Variants in HMCN2 observed in about 807,000 individuals in gnomAD.
HMCN2 encodes hemicentin 2, also known as hemicentin-2.
Under a neutral mutation model 377.5 loss-of-function variants are expected in HMCN2, and 325 were observed. The observed-to-expected ratio is 0.86, with a 90% CI of 0.79 to 0.94. The LOEUF is 0.94. HMCN2 is among the 40% of genes least tolerant of loss of function. HMCN2 has a pLI of 0.00. For missense variants in HMCN2, 4,543 were observed against 4,725.3 expected (o/e 0.96, Z 1.13); for synonymous variants, 2,007 against 2,046.8 (o/e 0.98, Z 0.53).
In HMCN2 at chr9:130,395,336, A is replaced by G. The variant is rs547958989; in HGVS notation, c.10900A>G (p.Ile3634Val). The G allele has an allele frequency of 7.8e-7, 1 of 1,288,402 alleles. No homozygotes were observed. The highest frequency in any genetic ancestry group is 1.5e-5 in the African/African-American group (1 of 65,928). 79.8% of individuals were successfully genotyped at this position (1,288,402 alleles called of 1,614,324 possible). A position where few individuals can be genotyped will look rare whatever the true frequency, so the allele number is the denominator to read the frequency against. Residue 3634 changes from isoleucine to valine, a missense_variant, in exon 71 of 98, where the codon ATT becomes GTT. Transcript: ENST00000683500. ...CAAGATCACGTGGCACCGAGACGGC[A>G]TTGTGCTGCAGGTGGGCGCCAGGCA... is the stretch of plus-strand genomic sequence containing the variant. ...APKITWHRDGIVLQEDAHTQF... is the reference protein window; with the variant it reads ...APKITWHRDGVVLQEDAHTQF...
chr9:130,296,822 G>A (rs1836190838), intron 7 of HMCN2, 28 bp downstream of exon 7: 1 of 469,586 alleles, frequency 2.1e-6, no homozygotes, highest in Non-Finnish European at 4.4e-6. Context: ...TACAGACAGT[G>A]CTGAGCTGCC....
chr9:130,433,785 A>T lies in HMCN2; in HGVS notation c.*92A>T, dbSNP rs899860524. On this transcript the variant is annotated 3_prime_UTR_variant, in exon 98 of 98. Coordinates refer to ENST00000683500, the MANE Select transcript of HMCN2 (RefSeq NM_001291815.2). ...CCACGCCACCTGCTGTGGCAAGCGG[A>T]GCGTCATCGTCTCCCGCCCCGTGCG... 9.5e-7 allele frequency: 1 copy of T among 1,057,888 alleles called. No homozygotes were observed. Among genetic ancestry groups the T allele is most frequent in the Non-Finnish European group, 1.3e-6 (1 of 774,296 alleles). 65.5% of individuals were successfully genotyped at this position (1,057,888 alleles called of 1,614,324 possible).
Position 130,429,557 on chromosome 9 carries a change from A to G in HMCN2, c.14198A>G (p.Asp4733Gly). The change falls in exon 94 of 98, where the codon GAT becomes GGT. Residue 4733 changes from aspartate (D) to glycine (G), a missense_variant and splice_region_variant. Physicochemically the swap from Asp to Gly is moderately conservative, Grantham distance 94 (BLOSUM62 -1). This residue lies in a region of HMCN2 where 1,155 missense variants were observed against 1,157.7 expected (regional missense o/e 1.00). Coordinates refer to ENST00000683500, the MANE Select transcript of HMCN2 (RefSeq NM_001291815.2). ...CACCGACCATGCCCCTGCCTCCCAG[A>G]TGTGGACGAATGCCTGGAGGGGTTG... ...FRVADGAGCEDVDECLEGLDD... is the reference protein window; with the variant it reads ...FRVADGAGCEGVDECLEGLDD... 8 of 1,550,372 alleles carry G rather than the reference A, an allele frequency of 5.2e-6. No homozygotes were observed. The highest frequency in any genetic ancestry group is 7.0e-6 in the Non-Finnish European group (8 of 1,146,834).
intron 48 of HMCN2, 95 bp downstream of exon 48, chr9:130,373,219 C>A: frequency 3.7e-6 from 1 of 269,714 alleles, no homozygotes; most frequent in Non-Finnish European, 5.7e-6. Context: ...CTGCCCCAGC[C>A]CCACTCCTCC....
chr9:130,397,762 A>G, intron 74 of HMCN2, 107 bp downstream of exon 74: 1 of 1,065,728 alleles, frequency 9.4e-7, no homozygotes, highest in South Asian at 1.6e-5. Flanking sequence ...ATGGTCTTCA[A>G]ATGTTTTTGA....
rs552348452 is a variant in HMCN2, at chr9:130,376,627, C to T, written c.8030C>T (p.Pro2677Leu). ...TLECESWAVP[P>L]PTIRWYKDGQ... ...GAGTGTGAGAGCTGGGCTGTGCCCCCGCCCACCATCCGCTGGTACAAGGAT... is the reference window on the plus strand; with the variant it reads ...GAGTGTGAGAGCTGGGCTGTGCCCCTGCCCACCATCCGCTGGTACAAGGAT... Residue 2677 changes from proline to leucine, a missense_variant, in exon 52 of 98, where the codon CCG becomes CTG. Pro to Leu is a moderately conservative substitution (Grantham distance 98). Transcript: ENST00000683500. 14 of 985,856 alleles carry T rather than the reference C, an allele frequency of 1.4e-5. No individual in the cohort carries two copies. Among genetic ancestry groups the T allele is most frequent in the African/African-American group, 1.2e-4 (7 of 57,332 alleles). The allele number at this position is 985,856 out of a possible 1,614,324, so 61.1% of individuals were successfully genotyped here.
Position 130,304,351 on chromosome 9 carries a change from G to A in HMCN2, c.1544-379G>A, listed in dbSNP as rs1836717222. Among the ~76,000 whole-genome samples the A allele has an allele frequency of 6.6e-6, 1 of 152,290 alleles. No individual in the cohort carries two copies. Among genetic ancestry groups the A allele is most frequent in the Non-Finnish European group, 1.5e-5 (1 of 68,030 alleles). On this transcript the variant is annotated intron_variant, in intron 10 of 97. Coordinates refer to ENST00000683500, the MANE Select transcript of HMCN2 (RefSeq NM_001291815.2). This position sits in a 1 kb window ranked among gnomAD's most constrained non-coding sequence, Gnocchi z 4.3. ...AGCCCTGCTGTTGGTACAGAGAATCGTTTTGAACACATTACTCTCTTCCTC... is the reference window on the plus strand; with the variant it reads ...AGCCCTGCTGTTGGTACAGAGAATCATTTTGAACACATTACTCTCTTCCTC...
intron 48 of HMCN2, among the ~76,000 whole-genome samples, chr9:130,374,180 T>C (rs1473168213): frequency 6.6e-6 from 1 of 150,406 alleles, no homozygotes; most frequent in Non-Finnish European, 1.5e-5. Context: ...GGTGAGTAGG[T>C]AGATGAATGG....
intron 15 of HMCN2, among the ~76,000 whole-genome samples, chr9:130,313,809 C>T (rs1192306417): frequency 4.7e-5 from 6 of 128,736 alleles, no homozygotes; most frequent in Admixed American, 9.5e-5. Context: ...AGATGGAGTC[C>T]TATTCTGTCA....
chr9:130,412,030 G>GAC (rs1843449211), intron 85 of HMCN2, among the ~76,000 whole-genome samples: 2 of 152,304 alleles, frequency 1.3e-5, no homozygotes, highest in South Asian at 2.1e-4. Flanking sequence ...GGAGTGCAGT[G>GAC]GTGCCATCTC....
At chr9:130,363,562 C>T (rs1476096840) in intron 40 of HMCN2, among the ~76,000 whole-genome samples, 1 of 152,096 alleles carries the variant, frequency 6.6e-6, no homozygotes, top group Non-Finnish European at 1.5e-5. Flanking sequence ...TGGCTCACGC[C>T]TGTAATCCCA....
At chr9:130,285,057 T>C (rs1316566646) in intron 2 of HMCN2, 101 bp from the exon 3 acceptor site, 9 of 412,658 alleles carry the variant, frequency 2.2e-5, no homozygotes, top group Middle Eastern at 1.3e-3. Context: ...GAGGTGACAG[T>C]TCAAGGTGAC....
intron 62 of HMCN2, among the ~76,000 whole-genome samples, chr9:130,390,182 TC>T (rs920285842): frequency 6.6e-6 from 1 of 151,780 alleles, no homozygotes; most frequent in Non-Finnish European, 1.5e-5. Context: ...TCACCTCTGC[TC>T]CCCCCGGCTG....
intron 77 of HMCN2, among the ~76,000 whole-genome samples, chr9:130,402,100 T>G (rs1040814161): frequency 6.6e-6 from 1 of 152,146 alleles, no homozygotes; most frequent in Non-Finnish European, 1.5e-5. Context: ...AAACAAAAAC[T>G]TCTTTCCAAT....
Position 130,418,780 on chromosome 9 carries a change from G to A in HMCN2, c.12970G>A (p.Val4324Met). ...VVILVLQSAP[V>M]FQVEPQDMTV... is the part of the protein sequence containing the mutation. ...ACCTGGGCCTCCCACAGGTGCTCCGGTGTTCCAGGTGGAGCCCCAGGACAT... is the reference window on the plus strand; with the variant it reads ...ACCTGGGCCTCCCACAGGTGCTCCGATGTTCCAGGTGGAGCCCCAGGACAT... Residue 4324 changes from valine (V) to methionine (M), a missense_variant, in exon 86 of 98, where the codon GTG (valine) becomes ATG (methionine). Physicochemically the swap from Val to Met is conservative, Grantham distance 21 (BLOSUM62 1). This residue lies in a region of HMCN2 where 1,155 missense variants were observed against 1,157.7 expected (regional missense o/e 1.00). Transcript: ENST00000683500. 1 of 1,437,002 alleles carries A rather than the reference G, an allele frequency of 7.0e-7. No homozygotes were observed. The highest frequency in any genetic ancestry group is 9.2e-7 in the Non-Finnish European group (1 of 1,086,842). 89.0% of individuals were successfully genotyped at this position (1,437,002 alleles called of 1,614,324 possible).
chr9:130,298,017 C>T (rs1025919775), intron 7 of HMCN2, among the ~76,000 whole-genome samples: 1 of 152,088 alleles, frequency 6.6e-6, no homozygotes, highest in African/African-American at 2.4e-5. Flanking sequence ...TGCAGTGGTG[C>T]GATCTCTGCT....
chr9:130,403,832 C>T lies in HMCN2; in HGVS notation c.12105C>T (p.Asn4035=), dbSNP rs1842965643. The T allele has an allele frequency of 3.9e-6, 5 of 1,289,754 alleles. No individual in the cohort carries two copies. The highest frequency in any genetic ancestry group is 5.1e-6 in the Non-Finnish European group (5 of 988,824). 79.9% of individuals were successfully genotyped at this position (1,289,754 alleles called of 1,614,324 possible). Residue 4035 remains asparagine (N), a synonymous_variant, in exon 80 of 98, where the codon AAC becomes AAT. Coordinates refer to ENST00000683500, the MANE Select transcript of HMCN2 (RefSeq NM_001291815.2). ...DAGNYLCIAK[N]SAGSAMGKTR... is the part of the protein sequence containing the mutation. ...GAAACTATCTCTGCATCGCTAAGAA[C>T]AGTGCGGGCAGTGCCATGGGGAAGA...
chr9:130,335,851 G>A (rs1278343676), intron 22 of HMCN2, among the ~76,000 whole-genome samples: 1 of 152,182 alleles, frequency 6.6e-6, no homozygotes, highest in Non-Finnish European at 1.5e-5. Flanking sequence ...TCAGGCAGTG[G>A]TTCCCTGGAG....
intron 1 of HMCN2, among the ~76,000 whole-genome samples, chr9:130,283,033 T>C (rs1835211513): frequency 6.6e-6 from 1 of 152,154 alleles, no homozygotes; most frequent in Admixed American, 6.5e-5. Context: ...ATCATGCCAC[T>C]ATACTGCAGC....
Sources: gnomAD v4.1 joint callset for allele counts (sites outside exome capture counted in the v4.1 genomes callset) on GRCh38, gnomAD v4.1.1 for gene constraint, gnomAD v4.1.1 regional missense constraint, Gnocchi (gnomAD v3.1) non-coding constraint, MANE v1.5 for transcripts, NCBI Gene and HGNC (gene_info 2026-07-23, HGNC 2026-07-21) for gene names.